ATF2: variants seen among roughly 807,000 people sequenced by gnomAD.
ATF2 encodes cyclic AMP-dependent transcription factor ATF-2.
A neutral mutation model predicts 60.6 loss-of-function variants in ATF2; 24 were observed. That is an observed-to-expected ratio of 0.40 (90% CI 0.29 to 0.56). The LOEUF (loss-of-function observed/expected upper bound fraction) is 0.56, where lower values mean the gene tolerates loss of function less well. Ranked by LOEUF, ATF2 falls within the 20% of genes least tolerant of loss-of-function variation. ATF2 has a pLI of 0.54. For synonymous variants in ATF2, 206 were observed against 215.4 expected (o/e 0.96, Z 0.38); for missense variants, 433 against 607.7 (o/e 0.71, Z 3.02).
chr2:175,120,639 G>A (rs1242141003), intron 5 of ATF2, among the ~76,000 whole-genome samples: 3 of 151,532 alleles, frequency 2.0e-5, no homozygotes, highest in African/African-American at 4.8e-5. Flanking sequence ...GAAAAATCTG[G>A]AGTTAATCTG....
At chr2:175,130,090 T>C in intron 4 of ATF2, 48 bp downstream of exon 4, 1 of 1,292,536 alleles carries the variant, frequency 7.7e-7, no homozygotes, top group Non-Finnish European at 1.1e-6. Flanking sequence ...CATCAATGTT[T>C]TAATAAGTGG....
chr2:175,137,218 G>A (rs776940712), intron 2 of ATF2, among the ~76,000 whole-genome samples: 4 of 152,160 alleles, frequency 2.6e-5, no homozygotes, highest in Non-Finnish European at 4.4e-5. Flanking sequence ...AAAGTTCAGA[G>A]TCCTGGAGTA....
Position 175,111,656 on chromosome 2 carries a change from T to G in ATF2, c.742-2A>C. The G allele has an allele frequency of 6.2e-7, 1 of 1,611,974 alleles. No individual in the cohort carries two copies. ...CACCATGGTGACTGGTCGAACGAGC[T>G]ATGCATGACATAAGGAAAAATAATT... is the stretch of plus-strand genomic sequence containing the variant. On this transcript the variant is annotated splice_acceptor_variant, in intron 9 of 13. Coordinates refer to ENST00000264110, the MANE Select transcript of ATF2 (RefSeq NM_001880.4). LOFTEE classifies it high-confidence loss of function.
intron 3 of ATF2, among the ~76,000 whole-genome samples, chr2:175,133,691 T>C (rs1697915896): frequency 6.6e-6 from 1 of 152,082 alleles, no homozygotes; most frequent in Admixed American, 6.6e-5. Flanking sequence ...ATACTAAAAA[T>C]TAAGTCACAG....
At chr2:175,109,089 T>C (rs1281507373) in intron 10 of ATF2, among the ~76,000 whole-genome samples, 21 of 149,884 alleles carry the variant, frequency 1.4e-4, no homozygotes, top group Non-Finnish European at 4.4e-5. Context: ...TTCACTTGTT[T>C]ATGTGCTGAC....
chr2:175,154,077 G>A (rs1388672538), intron 1 of ATF2, among the ~76,000 whole-genome samples: 1 of 151,140 alleles, frequency 6.6e-6, no homozygotes, highest in East Asian at 1.9e-4. Context: ...TAGCCGGTGT[G>A]GTGGCACACA....
chr2:175,085,258 G>T (rs1267872705), intron 12 of ATF2, among the ~76,000 whole-genome samples: 1 of 152,130 alleles, frequency 6.6e-6, no homozygotes, highest in East Asian at 1.9e-4. Context: ...ATATAGACTG[G>T]GTGTGGTGGC....
intron 3 of ATF2, 21 bp from the exon 4 acceptor site, chr2:175,130,228 C>G (rs747228168): frequency 2.8e-6 from 4 of 1,404,506 alleles, no homozygotes; most frequent in African/African-American, 1.4e-5. Flanking sequence ...ACAGAAGACA[C>G]TTTAGAGTAC....
intron 7 of ATF2, among the ~76,000 whole-genome samples, chr2:175,115,889 T>A (rs1452761597): frequency 6.6e-6 from 1 of 152,090 alleles, no homozygotes; most frequent in East Asian, 1.9e-4. Context: ...TAAGAATAGG[T>A]GAGCTTCTTT....
rs188848729 is a variant in ATF2 at position 175,076,835 on chromosome 2, T to G, written c.1292-2000A>C. ...ATTATACTTTAAGTTTTAGGGTACA[T>G]GTGCACAACGTGCAGGTTAGTTACA... On this transcript the variant is annotated intron_variant, in intron 13 of 13. Coordinates refer to ENST00000264110, the MANE Select transcript of ATF2 (RefSeq NM_001880.4). Among the ~76,000 whole-genome samples, 1,032 of 152,186 alleles carry G rather than the reference T, an allele frequency of 6.8e-3. 11 individuals carry two copies. Among genetic ancestry groups the G allele is most frequent in the African/African-American group, 0.023 (975 of 41,506 alleles).
chr2:175,090,251 T>C (rs539133761), intron 12 of ATF2, among the ~76,000 whole-genome samples: 8 of 152,306 alleles, frequency 5.3e-5, no homozygotes, highest in Admixed American at 5.2e-4. Context: ...ATAAATGGAA[T>C]GATACAACAT....
chr2:175,142,826 A>AAGAG lies in ATF2; in HGVS notation c.-43-6344_-43-6341dup, dbSNP rs144720704. On this transcript the variant is annotated intron_variant, in intron 2 of 13. Transcript: ENST00000264110. Reference sequence around the variant, plus strand: ...AAAGAGAGAGCAACAGCGAGCGAGCAAGAGAGAGAGTGTGTGTGTGTGTCT... The same window carrying AAGAG: ...AAAGAGAGAGCAACAGCGAGCGAGCAAGAGAGAGAGAGAGTGTGTGTGTGTGTCT... 3.5e-3 allele frequency among the ~76,000 whole-genome samples: 519 copies of AAGAG among 146,948 alleles called. 3 individuals carry two copies. The highest frequency in any genetic ancestry group is 0.014 in the Middle Eastern group (4 of 280).
At chr2:175,151,380 C>T (rs1444292415) in intron 1 of ATF2, among the ~76,000 whole-genome samples, 1 of 152,060 alleles carries the variant, frequency 6.6e-6, no homozygotes, top group Non-Finnish European at 1.5e-5. Flanking sequence ...CTGTAGCCTC[C>T]CGTAACTCCT....
intron 3 of ATF2, among the ~76,000 whole-genome samples, chr2:175,134,644 TC>T (rs1698005873): frequency 6.6e-6 from 1 of 151,872 alleles, no homozygotes; most frequent in South Asian, 2.1e-4. Flanking sequence ...GAAGGAAAAG[TC>T]TTTTATAGAA....
chr2:175,109,086 G>T (rs1234099122), intron 10 of ATF2, among the ~76,000 whole-genome samples: 1 of 133,778 alleles, frequency 7.5e-6, no homozygotes, highest in East Asian at 2.5e-4. Context: ...TTGTTCACTT[G>T]TTTATGTGCT....
Position 175,074,707 on chromosome 2 carries a change from TG to T in ATF2, c.1419del (p.Thr474LeufsTer34). 6.2e-7 allele frequency: 1 copy of T among 1,613,452 alleles called. No individual in the cohort carries two copies. The highest frequency in any genetic ancestry group is 1.1e-5 in the South Asian group (1 of 91,078). On this transcript the variant is annotated frameshift_variant, in exon 14 of 14. Transcript: ENST00000264110. LOFTEE classifies it high-confidence loss of function. ...VSSTSKAEAV[A>X]TSVLTQMADQ... The stretch of plus-strand genomic sequence containing the variant: ...TCCGCCATCTGGGTGAGGACTGAAG[TG>T]GCTACAGCTTCTGCCTTGGAGGTTG...
intron 5 of ATF2, among the ~76,000 whole-genome samples, chr2:175,120,896 T>C (rs1696912792): frequency 6.6e-6 from 1 of 151,678 alleles, no homozygotes; most frequent in Non-Finnish European, 1.5e-5. Context: ...AAAATAATCA[T>C]CTGCTTAGGT....
At chr2:175,145,094 G>A (rs756816232) in intron 2 of ATF2, among the ~76,000 whole-genome samples, 5 of 152,188 alleles carry the variant, frequency 3.3e-5, no homozygotes, top group Admixed American at 1.3e-4. Context: ...TAAAGATACA[G>A]AAATATAGAT....
chr2:175,123,983 C>A (rs1229022582), intron 4 of ATF2, among the ~76,000 whole-genome samples: 3 of 151,886 alleles, frequency 2.0e-5, no homozygotes, highest in Non-Finnish European at 4.4e-5. Context: ...AGGCAGTCAC[C>A]AGAAGTTTAA....
Sources: gnomAD v4.1 joint callset for allele counts (sites outside exome capture counted in the v4.1 genomes callset) on GRCh38, gnomAD v4.1.1 for gene constraint, MANE v1.5 for transcripts, NCBI Gene and HGNC (gene_info 2026-07-23, HGNC 2026-07-21) for gene names.